The following SLC23A2 variants were observed in gnomAD, a reference collection of about 807,000 sequenced individuals.
The protein encoded by SLC23A2 is solute carrier family 23 member 2.
Under a neutral mutation model 73.3 loss-of-function variants are expected in SLC23A2, and 36 were observed. The ratio of observed to expected loss-of-function variants is 0.49; its 90% confidence interval spans 0.38 to 0.65. SLC23A2 has a LOEUF of 0.65. Ranked by LOEUF, SLC23A2 falls within the 30% of genes least tolerant of loss-of-function variation. SLC23A2 has a pLI of 0.00. For missense variants in SLC23A2, 507 were observed against 841.6 expected (o/e 0.60, Z 4.92); for synonymous variants, 343 against 327.3 (o/e 1.05, Z -0.52).
chr20:4,972,144 C>T (rs1331738655), intron 1 of SLC23A2, among the ~76,000 whole-genome samples: 1 of 152,226 alleles, frequency 6.6e-6, no homozygotes, highest in Non-Finnish European at 1.5e-5. Flanking sequence ...CAGCCATGAG[C>T]CTGGCCCTCC....
intron 2 of SLC23A2, among the ~76,000 whole-genome samples, chr20:4,954,056 T>C (rs2122152295): frequency 6.6e-6 from 1 of 152,268 alleles, no homozygotes; most frequent in South Asian, 2.1e-4. Context: ...TGCTAAAGGA[T>C]AAAATTCACA....
rs192888169 is a variant in SLC23A2, at chr20:4,958,491, C to A, written c.-155+12302G>T. The stretch of plus-strand genomic sequence containing the variant: ...TAGTCCAACTAGTAAATGAAAAATT[C>A]TATGTATTTCTTAGCAACAAAATAC... On this transcript the variant is annotated intron_variant, in intron 2 of 16. Coordinates refer to ENST00000338244, the MANE Select transcript of SLC23A2 (RefSeq NM_005116.6). Among the ~76,000 whole-genome samples the A allele has an allele frequency of 6.6e-5, 10 of 152,198 alleles. No homozygotes were observed. In the East Asian group the frequency reaches 1.9e-3, roughly 29 times the overall value.
chr20:4,994,767 A>T (rs909708291), intron 1 of SLC23A2, among the ~76,000 whole-genome samples: 2 of 151,800 alleles, frequency 1.3e-5, no homozygotes, highest in African/African-American at 4.8e-5. Flanking sequence ...TCCCCAAAAA[A>T]AATATGAAAA....
chr20:4,978,096 A>G (rs901753680), intron 1 of SLC23A2, among the ~76,000 whole-genome samples: 84 of 152,274 alleles, frequency 5.5e-4, no homozygotes, highest in African/African-American at 1.9e-3. Flanking sequence ...ACGGGATAAT[A>G]AACTCCTGAT....
chr20:4,945,088 C>T (rs2087098876), intron 2 of SLC23A2, among the ~76,000 whole-genome samples: 1 of 152,088 alleles, frequency 6.6e-6, no homozygotes, highest in Admixed American at 6.6e-5. Context: ...TACACAGAGT[C>T]CGACTTCAGG....
At chr20:4,901,573 G>C (rs540764846) in intron 5 of SLC23A2, among the ~76,000 whole-genome samples, 1 of 152,230 alleles carries the variant, frequency 6.6e-6, no homozygotes, top group South Asian at 2.1e-4. Context: ...TATCAAAGAC[G>C]CCGGAGGCCT....
chr20:4,932,876 T>A (rs1932804696), intron 2 of SLC23A2, among the ~76,000 whole-genome samples, 160 bp from the exon 3 acceptor site: 1 of 152,180 alleles, frequency 6.6e-6, no homozygotes, highest in Non-Finnish European at 1.5e-5. Flanking sequence ...ACCCAACACC[T>A]TCTTTATTTA....
At chr20:4,981,120 A>G (rs2087719639) in intron 1 of SLC23A2, among the ~76,000 whole-genome samples, 1 of 152,180 alleles carries the variant, frequency 6.6e-6, no homozygotes, top group South Asian at 2.1e-4. Flanking sequence ...CAGACACAAA[A>G]ATTTCTGAGA....
At chr20:4,919,767 G>A (rs567948940) in intron 3 of SLC23A2, among the ~76,000 whole-genome samples, 6 of 152,192 alleles carry the variant, frequency 3.9e-5, no homozygotes, top group East Asian at 1.9e-4. Context: ...CACCCAAAAC[G>A]GACCGTCCTC....
At chr20:4,968,446 A>G (rs896576603) in intron 2 of SLC23A2, among the ~76,000 whole-genome samples, 2 of 152,180 alleles carry the variant, frequency 1.3e-5, no homozygotes, top group Non-Finnish European at 2.9e-5. Context: ...TTCATGCAAC[A>G]TGAGTTTCTG....
chr20:4,972,958 G>A (rs2087587973), intron 1 of SLC23A2, among the ~76,000 whole-genome samples: 1 of 152,200 alleles, frequency 6.6e-6, no homozygotes, highest in African/African-American at 2.4e-5. Flanking sequence ...GTCTAGTCAA[G>A]AGGAATAATG....
chr20:4,973,599 A>G (rs1030239882), intron 1 of SLC23A2, among the ~76,000 whole-genome samples: 1 of 152,210 alleles, frequency 6.6e-6, no homozygotes, highest in African/African-American at 2.4e-5. Flanking sequence ...TCACGATACA[A>G]ACAAAAACAA....
chr20:4,993,757 T>C (rs763307121), intron 1 of SLC23A2, among the ~76,000 whole-genome samples: 1 of 152,098 alleles, frequency 6.6e-6, no homozygotes. Context: ...TGTCTATAAA[T>C]ATAAATATCA....
chr20:4,881,013 C>T (rs549404640), intron 9 of SLC23A2, among the ~76,000 whole-genome samples: 23 of 152,250 alleles, frequency 1.5e-4, no homozygotes, highest in Non-Finnish European at 2.6e-4. Flanking sequence ...CAAAAGAGAA[C>T]GGGTTCAGAA....
chr20:4,977,796 C>A (rs1290078777), intron 1 of SLC23A2, among the ~76,000 whole-genome samples: 4 of 152,064 alleles, frequency 2.6e-5, no homozygotes, highest in Non-Finnish European at 4.4e-5. Context: ...GCCTCAGCTT[C>A]CCTAAGTGCT....
In SLC23A2 at chr20:4,853,699, C is replaced by T. The variant is rs1568596415; in HGVS notation, c.*3273G>A. On this transcript the variant is annotated 3_prime_UTR_variant, in exon 17 of 17. Coordinates refer to ENST00000338244, the MANE Select transcript of SLC23A2 (RefSeq NM_005116.6). ...AAAGTCGGTATTCTACAGCATAAAG[C>T]AAAACCTCTGTGCGAATTTGTTACC... 1 of 152,564 alleles carries T rather than the reference C, an allele frequency of 6.6e-6. No homozygotes were observed. The highest frequency in any genetic ancestry group is 1.5e-5 in the Non-Finnish European group (1 of 68,022). 9.5% of individuals were successfully genotyped at this position (152,564 alleles called of 1,614,324 possible).
rs921524810 is a variant in SLC23A2, at chr20:4,902,852, A to G, written c.208-294T>C. Among the ~76,000 whole-genome samples the G allele has an allele frequency of 1.3e-5, 2 of 152,144 alleles. No homozygotes were observed. The highest frequency in any genetic ancestry group is 2.9e-5 in the Non-Finnish European group (2 of 68,034). On this transcript the variant is annotated intron_variant, in intron 4 of 16. Transcript: ENST00000338244. This position sits in a 1 kb window ranked among gnomAD's most constrained non-coding sequence, Gnocchi z 4.0. ...TCCCCAGGCCTGGGGATCCTCCTGC[A>G]TGGACAGAGATGTTCCCAGGTTGAG...
At chr20:4,878,066 G>T (rs1185352900) in intron 9 of SLC23A2, among the ~76,000 whole-genome samples, 1 of 152,006 alleles carries the variant, frequency 6.6e-6, no homozygotes, top group East Asian at 1.9e-4. Context: ...TTTGCCAAAT[G>T]GCTACTCCTA....
chr20:4,860,243 C>A (rs542932793), intron 15 of SLC23A2, among the ~76,000 whole-genome samples: 1 of 152,230 alleles, frequency 6.6e-6, no homozygotes, highest in Admixed American at 6.5e-5. Flanking sequence ...AAAATGAATA[C>A]CCTTGGTGCC....
Sources: gnomAD v4.1 joint callset for allele counts (sites outside exome capture counted in the v4.1 genomes callset) on GRCh38, gnomAD v4.1.1 for gene constraint, Gnocchi (gnomAD v3.1) non-coding constraint, MANE v1.5 for transcripts, NCBI Gene and HGNC (gene_info 2026-07-23, HGNC 2026-07-21) for gene names.